AZIN1: variants seen among roughly 807,000 people sequenced by gnomAD.
The protein encoded by AZIN1 is ornithine decarboxylase antizyme inhibitor.
Under a neutral mutation model 47.4 loss-of-function variants are expected in AZIN1, and 12 were observed. The observed-to-expected ratio is 0.25, with a 90% CI of 0.16 to 0.41. AZIN1 has a LOEUF of 0.41. AZIN1 is among the 10% of genes least tolerant of loss of function. The pLI, the probability that AZIN1 is intolerant of heterozygous loss-of-function variation, is 1.00. For synonymous variants in AZIN1, 155 were observed against 176.3 expected, an observed-to-expected ratio of 0.88 and a Z score of 0.96; for missense variants, 410 against 532.4, an observed-to-expected ratio of 0.77 and a Z score of 2.26.
chr8:102,839,963 C>T (rs1173163926), intron 3 of AZIN1, 140 bp from the exon 4 acceptor site: 4 of 486,420 alleles, frequency 8.2e-6, no homozygotes, highest in Non-Finnish European at 1.4e-5. Context: ...ACATTTAAAG[C>T]TTGTTAACTA....
chr8:102,830,046 T>C (rs1278764037), intron 9 of AZIN1, 110 bp from the exon 10 acceptor site: 12 of 738,732 alleles, frequency 1.6e-5, no homozygotes, highest in East Asian at 2.7e-5. Context: ...AAAAGACACA[T>C]AGAGCACGCA....
At chr8:102,843,403 G>T in intron 3 of AZIN1, 148 bp downstream of exon 3, 1 of 624,354 alleles carries the variant, frequency 1.6e-6, no homozygotes. Context: ...ACTACTCAAG[G>T]GGAGTGGGTG....
chr8:102,845,281 C>A (rs1812501920), intron 2 of AZIN1, among the ~76,000 whole-genome samples: 1 of 152,168 alleles, frequency 6.6e-6, no homozygotes, highest in Non-Finnish European at 1.5e-5. Flanking sequence ...CTGTATTAGT[C>A]AAATTTCATG....
intron 2 of AZIN1, among the ~76,000 whole-genome samples, chr8:102,851,966 A>G (rs956772457): frequency 6.6e-6 from 1 of 152,198 alleles, no homozygotes; most frequent in Non-Finnish European, 1.5e-5. Context: ...GTTAGTGGCA[A>G]ACAGTTTTCA....
chr8:102,861,893 G>C (rs1813685866), intron 1 of AZIN1, among the ~76,000 whole-genome samples: 2 of 152,020 alleles, frequency 1.3e-5, no homozygotes, highest in African/African-American at 4.8e-5. Context: ...ACAAAAATTA[G>C]CTGGGCGTGG....
At chr8:102,836,762 A>G (rs1811849790) in intron 5 of AZIN1, among the ~76,000 whole-genome samples, 1 of 152,228 alleles carries the variant, frequency 6.6e-6, no homozygotes, top group Non-Finnish European at 1.5e-5. Flanking sequence ...CAATAAAAAT[A>G]TCAGGGCTTT....
chr8:102,840,998 T>C (rs1812144551), intron 3 of AZIN1, among the ~76,000 whole-genome samples: 1 of 151,682 alleles, frequency 6.6e-6, no homozygotes, highest in Admixed American at 6.6e-5. Context: ...AGAAATGGGA[T>C]GAAACAACAA....
chr8:102,844,548 G>C (rs952679579), intron 2 of AZIN1, among the ~76,000 whole-genome samples: 1 of 151,758 alleles, frequency 6.6e-6, no homozygotes, highest in Non-Finnish European at 1.5e-5. Context: ...AGAAGACCTC[G>C]TCCTGGCTAT....
Position 102,827,822 on chromosome 8 carries a change from A to G in AZIN1, c.*745T>C, listed in dbSNP as rs908907178. The G allele has an allele frequency of 2.0e-5, 3 of 152,624 alleles. No individual in the cohort carries two copies. Among genetic ancestry groups the G allele is most frequent in the Admixed American group, 2.0e-4 (3 of 15,274 alleles). 9.5% of individuals were successfully genotyped at this position (152,624 alleles called of 1,614,324 possible). A position where few individuals can be genotyped will look rare whatever the true frequency, so the allele number is the denominator to read the frequency against. ...TCTCCATAATGAATCTGAACTTCACAATGATTTACCAAACACTTTACTTAA... is the reference window on the plus strand; with the variant it reads ...TCTCCATAATGAATCTGAACTTCACGATGATTTACCAAACACTTTACTTAA... On this transcript the variant is annotated 3_prime_UTR_variant, in exon 12 of 12. Transcript: ENST00000337198.
intron 2 of AZIN1, among the ~76,000 whole-genome samples, chr8:102,853,997 G>C (rs564491994): frequency 1.3e-5 from 2 of 151,912 alleles, no homozygotes; most frequent in Non-Finnish European, 2.9e-5. Context: ...TCTACAGTGC[G>C]GTGGCACCAT....
chr8:102,859,137 AGCT>A, intron 1 of AZIN1: 1 of 152,206 alleles, frequency 6.6e-6, no homozygotes, highest in African/African-American at 2.4e-5. Flanking sequence ...ATCTAGGAGA[AGCT>A]GATCACATGC....
At chr8:102,844,695 A>G (rs1299987259) in intron 2 of AZIN1, among the ~76,000 whole-genome samples, 1 of 152,234 alleles carries the variant, frequency 6.6e-6, no homozygotes, top group African/African-American at 2.4e-5. Context: ...TGCTGGCTAG[A>G]ATAGAGCTAA....
Position 102,834,216 on chromosome 8 carries a change from G to C in AZIN1, c.714C>G (p.Phe238Leu). 1 of 1,612,634 alleles carries C rather than the reference G, an allele frequency of 6.2e-7. No individual in the cohort carries two copies. Among genetic ancestry groups the C allele is most frequent in the African/African-American group, 1.3e-5 (1 of 74,974 alleles). ...TMNMLDIGGG[F>L]TGTEFQLEEV... ...CTTCCAATTGAAATTCAGTTCCCGTGAATCCTCCACCAATGTCTAACATGT... is the reference window on the plus strand; with the variant it reads ...CTTCCAATTGAAATTCAGTTCCCGTCAATCCTCCACCAATGTCTAACATGT... Residue 238 changes from phenylalanine (F) to leucine (L), a missense_variant, in exon 8 of 12, where the codon TTC becomes TTG. Phe to Leu is a conservative substitution (Grantham distance 22, BLOSUM62 0). This residue lies in a region of AZIN1 where 237 missense variants were observed against 309.4 expected (regional missense o/e 0.77). Coordinates refer to ENST00000337198, the MANE Select transcript of AZIN1 (RefSeq NM_148174.4).
intron 4 of AZIN1, 113 bp from the exon 5 acceptor site, chr8:102,839,029 T>C: frequency 2.1e-6 from 2 of 932,952 alleles, no homozygotes; most frequent in Non-Finnish European, 3.1e-6. Flanking sequence ...TCACTCTTTG[T>C]ATTCCAGGCT....
Position 102,828,647 on chromosome 8 carries a change from C to G in AZIN1, c.1267G>C (p.Asp423His), listed in dbSNP as rs1382302497. 1.2e-6 allele frequency: 2 copies of G among 1,610,024 alleles called. No individual in the cohort carries two copies. Among genetic ancestry groups the G allele is most frequent in the East Asian group, 2.2e-5 (1 of 44,782 alleles). Residue 423 changes from aspartate to histidine, a missense_variant, in exon 12 of 12, where the codon GAC becomes CAC. Coordinates refer to ENST00000337198, the MANE Select transcript of AZIN1 (RefSeq NM_148174.4). ...AAGAAGAAGTTCTTCATCATTGAGT[C>G]TGAAGTAATTCCAGCATCTTGCATC... ...YEMQDAGITS[D>H]SMMKNFFFVP... is the part of the protein sequence containing the mutation.
In AZIN1 at chr8:102,838,731, A is replaced by G. The variant is rs2131220339; in HGVS notation, c.449+13T>C. On this transcript the variant is annotated intron_variant, in intron 5 of 11. Coordinates refer to ENST00000337198, the MANE Select transcript of AZIN1 (RefSeq NM_148174.4). ...GCTAAATAATATTTTCAAGTACTTAATTTTATACTTACTTGGCATTTGGGT... is the reference window on the plus strand; with the variant it reads ...GCTAAATAATATTTTCAAGTACTTAGTTTTATACTTACTTGGCATTTGGGT... The G allele has an allele frequency of 6.2e-7, 1 of 1,603,004 alleles. No individual in the cohort carries two copies. The highest frequency in any genetic ancestry group is 1.7e-5 in the Admixed American group (1 of 58,862).
intron 2 of AZIN1, among the ~76,000 whole-genome samples, chr8:102,851,094 G>C (rs1484790660): frequency 6.6e-6 from 1 of 152,100 alleles, no homozygotes; most frequent in African/African-American, 2.4e-5. Context: ...TTTTTCTGGA[G>C]AAAATGTGTG....
chr8:102,847,446 A>C (rs1402708921), intron 2 of AZIN1, among the ~76,000 whole-genome samples: 3 of 152,000 alleles, frequency 2.0e-5, no homozygotes, highest in African/African-American at 7.2e-5. Flanking sequence ...TTCCTAGCCC[A>C]GAATAGGTAC....
intron 2 of AZIN1, among the ~76,000 whole-genome samples, chr8:102,847,520 T>TGGTA (rs1295684242): frequency 6.6e-6 from 1 of 151,618 alleles, no homozygotes; most frequent in East Asian, 1.9e-4. Flanking sequence ...TTAGGGGTGG[T>TGGTA]GGTAATGAAC....
Sources: allele counts gnomAD v4.1 joint callset (sites outside exome capture counted in the v4.1 genomes callset), GRCh38; gene constraint gnomAD v4.1.1; regional missense constraint gnomAD v4.1.1; transcripts MANE v1.5; gene names NCBI Gene and HGNC (gene_info 2026-07-23, HGNC 2026-07-21).